Variants in MPPED2 observed in about 807,000 individuals in gnomAD.
The protein encoded by MPPED2 is metallophosphoesterase domain containing 2.
A neutral mutation model predicts 33.0 loss-of-function variants in MPPED2; 5 were observed. That is an observed-to-expected ratio of 0.15 (90% CI 0.08 to 0.32). MPPED2 has a LOEUF of 0.32. MPPED2 is among the 10% of genes least tolerant of loss of function. MPPED2 has a pLI of 1.00. For missense variants in MPPED2, 275 were observed against 372.1 expected (o/e 0.74, Z 2.15); for synonymous variants, 136 against 141.9 (o/e 0.96, Z 0.29).
intron 4 of MPPED2, among the ~76,000 whole-genome samples, chr11:30,491,261 T>C (rs755666298): frequency 6.6e-6 from 1 of 152,190 alleles, no homozygotes; most frequent in African/African-American, 2.4e-5. Flanking sequence ...CTCACAAATA[T>C]GTATTGTTTT....
chr11:30,393,560 T>A (rs1442878229), intron 6 of MPPED2, among the ~76,000 whole-genome samples: 8 of 152,082 alleles, frequency 5.3e-5, no homozygotes, highest in Non-Finnish European at 1.2e-4. Context: ...TAGTATATAG[T>A]TACTATTTAT....
intron 2 of MPPED2, among the ~76,000 whole-genome samples, chr11:30,540,185 A>G (rs574433): frequency 0.14 from 21,007 of 152,208 alleles, 2,518 homozygotes; most frequent in African/African-American, 0.32. Flanking sequence ...TGGGAATAAT[A>G]ATGCCTAATT....
At chr11:30,485,430 CAT>C (rs1242682149) in intron 4 of MPPED2, among the ~76,000 whole-genome samples, 2 of 152,154 alleles carry the variant, frequency 1.3e-5, no homozygotes, top group African/African-American at 4.8e-5. Flanking sequence ...AGGTAAATAA[CAT>C]GTGTAACATT....
intron 2 of MPPED2, among the ~76,000 whole-genome samples, chr11:30,568,913 G>A (rs890484899): frequency 6.6e-6 from 1 of 152,044 alleles, no homozygotes; most frequent in Non-Finnish European, 1.5e-5. Flanking sequence ...GCTCCCAAAA[G>A]GGCTCATTTT....
chr11:30,488,811 C>T (rs1177293471), intron 4 of MPPED2, among the ~76,000 whole-genome samples: 3 of 152,112 alleles, frequency 2.0e-5, no homozygotes, highest in African/African-American at 7.2e-5. Flanking sequence ...GAAATGTTAC[C>T]CTGGGCCTTT....
At chr11:30,460,402 T>G (rs1259796081) in intron 4 of MPPED2, among the ~76,000 whole-genome samples, 2 of 152,114 alleles carry the variant, frequency 1.3e-5, no homozygotes, top group Non-Finnish European at 2.9e-5. Context: ...GAAGGATCAC[T>G]TGAGGCCAGG....
Position 30,410,861 on chromosome 11 carries a change from A to G in MPPED2, c.*607T>C, listed in dbSNP as rs1367462934. 1 of 985,804 alleles carries G rather than the reference A, an allele frequency of 1.0e-6. No individual in the cohort carries two copies. The highest frequency in any genetic ancestry group is 1.2e-6 in the Non-Finnish European group (1 of 829,894). The allele number at this position is 985,804 out of a possible 1,614,324, so 61.1% of individuals were successfully genotyped here. A position where few individuals can be genotyped will look rare whatever the true frequency, so the allele number is the denominator to read the frequency against. On this transcript the variant is annotated 3_prime_UTR_variant, in exon 7 of 7. Transcript: ENST00000358117. ...AACAATGAGACCTTGTATAACCACA[A>G]TAGGAATCTCACTAGTTAAACCATC...
intron 4 of MPPED2, among the ~76,000 whole-genome samples, chr11:30,486,712 C>T (rs1312225112): frequency 6.6e-6 from 1 of 152,218 alleles, no homozygotes; most frequent in Non-Finnish European, 1.5e-5. Context: ...CCATTTCTCA[C>T]TTTTATTGAA....
chr11:30,569,144 G>A (rs890505852), intron 2 of MPPED2, among the ~76,000 whole-genome samples: 19 of 152,038 alleles, frequency 1.2e-4, no homozygotes, highest in South Asian at 2.1e-4. Flanking sequence ...CATTAACATC[G>A]TGGTGGGGTC....
chr11:30,498,332 C>T (rs957139020), intron 3 of MPPED2, among the ~76,000 whole-genome samples: 6 of 152,176 alleles, frequency 3.9e-5, no homozygotes, highest in African/African-American at 1.4e-4. Context: ...CACCCGGAAT[C>T]CCAGCACTTT....
intron 4 of MPPED2, among the ~76,000 whole-genome samples, chr11:30,450,051 T>C (rs1374770229): frequency 6.6e-6 from 1 of 152,240 alleles, no homozygotes; most frequent in East Asian, 1.9e-4. Flanking sequence ...AAAATATCAA[T>C]TAAATCTGTA....
intron 4 of MPPED2, among the ~76,000 whole-genome samples, chr11:30,451,449 A>T (rs991977797): frequency 2.0e-5 from 3 of 152,160 alleles, no homozygotes; most frequent in African/African-American, 7.2e-5. Context: ...CAGAGGCAAT[A>T]TTTGTTATGA....
At chr11:30,409,560 G>T (rs1266570767), downstream of MPPED2, among the ~76,000 whole-genome samples, 3 of 152,200 alleles carry the variant, frequency 2.0e-5, no homozygotes, top group African/African-American at 7.2e-5. Flanking sequence ...TGTCAATTCT[G>T]CTGGTACTGA....
At chr11:30,529,365 A>G (rs1488423842) in intron 3 of MPPED2, among the ~76,000 whole-genome samples, 2 of 152,216 alleles carry the variant, frequency 1.3e-5, no homozygotes, top group African/African-American at 2.4e-5. Context: ...TTGGATTTTT[A>G]TAATGTTATG....
Position 30,430,253 on chromosome 11 carries a change from G to A in MPPED2, c.537-12620C>T, listed in dbSNP as rs563336544. On this transcript the variant is annotated intron_variant, in intron 4 of 6. Transcript: ENST00000358117. ...GCCTGTGCTGCCCAATATGATAGCC[G>A]TATTTACTGAGCACCCGAGATGTAG... 7.2e-5 allele frequency among the ~76,000 whole-genome samples: 11 copies of A among 152,172 alleles called. No homozygotes were observed. The East Asian group carries it at 7.7e-4, about 11-fold the overall frequency.
chr11:30,454,082 C>G (rs1950177055), intron 4 of MPPED2, among the ~76,000 whole-genome samples: 1 of 152,160 alleles, frequency 6.6e-6, no homozygotes, highest in African/African-American at 2.4e-5. Flanking sequence ...TCAAAAGATT[C>G]ATTTAAAAGG....
intron 4 of MPPED2, among the ~76,000 whole-genome samples, chr11:30,447,217 G>GGCT (rs906835866): frequency 3.9e-5 from 6 of 152,154 alleles, no homozygotes; most frequent in Non-Finnish European, 7.4e-5. Flanking sequence ...AGCCATCCTA[G>GGCT]GCTGCTGCTG....
intron 4 of MPPED2, among the ~76,000 whole-genome samples, chr11:30,471,149 T>A (rs1950930576): frequency 6.6e-6 from 1 of 152,236 alleles, no homozygotes; most frequent in African/African-American, 2.4e-5. Context: ...CAATTCTGTC[T>A]TCTCCGCTTG....
rs1408598505 is a variant in MPPED2, at chr11:30,495,457, T to G, written c.375A>C (p.Glu125Asp). Residue 125 changes from glutamate to aspartate, a missense_variant, in exon 4 of 7, where the codon GAA becomes GAC. Physicochemically the swap from Glu to Asp is conservative, Grantham distance 45. Transcript: ENST00000358117. ...CCTGTTTAACAAGGTCTGCCATGAA[T>G]TCCTTATCAAATGTCAGTTCATGAT... ...AGNHELTFDK[E>D]FMADLVKQDY... The G allele has an allele frequency of 6.2e-7, 1 of 1,614,054 alleles. No homozygotes were observed. Among genetic ancestry groups the G allele is most frequent in the African/African-American group, 1.3e-5 (1 of 74,944 alleles).
Sources: gnomAD v4.1 joint callset for allele counts (sites outside exome capture counted in the v4.1 genomes callset) on GRCh38, gnomAD v4.1.1 for gene constraint, MANE v1.5 for transcripts, NCBI Gene and HGNC (gene_info 2026-07-23, HGNC 2026-07-21) for gene names.